Variants in CEP128 observed in about 807,000 individuals in gnomAD.
CEP128 encodes the protein centrosomal protein 128kDa.
CEP128 carries 132 observed loss-of-function variants against 156.7 expected under a neutral mutation model. That is an observed-to-expected ratio of 0.84 (90% CI 0.73 to 0.97). The LOEUF (loss-of-function observed/expected upper bound fraction) is 0.97, where lower values mean the gene tolerates loss of function less well. CEP128 is among the 50% of genes least tolerant of loss of function. The probability of loss-of-function intolerance (pLI) is 0.00; values close to 1 mark genes in which losing one functional copy is unlikely to be tolerated. For missense variants in CEP128, 1,252 were observed against 1,281.9 expected (o/e 0.98, Z 0.36); for synonymous variants, 469 against 448.9 (o/e 1.04, Z -0.57).
intron 8 of CEP128, among the ~76,000 whole-genome samples, chr14:80,867,664 A>T (rs188156807): frequency 6.6e-6 from 1 of 151,754 alleles, no homozygotes. Flanking sequence ...CACTCAGAGA[A>T]ACAAAAAAAA....
chr14:80,599,075 T>C (rs1401854945), intron 19 of CEP128, among the ~76,000 whole-genome samples: 1 of 152,160 alleles, frequency 6.6e-6, no homozygotes, highest in East Asian at 1.9e-4. Flanking sequence ...CTCTTATTAT[T>C]TCTTACTTCA....
At position 80,916,474 on chromosome 14, in the gene CEP128, G is replaced by A. The variant is rs141572655; in HGVS notation, c.74C>T (p.Thr25Met). 15 of 1,613,836 alleles carry A rather than the reference G, an allele frequency of 9.3e-6. No individual in the cohort carries two copies. Among genetic ancestry groups the A allele is most frequent in the East Asian group, 4.5e-5 (2 of 44,892 alleles). ...AGGAAGACTTCGAGTTCCCCTGTGC[G>A]TTGATCTGGCAGCCCATGGACTCAA... ...DRLSPWAARS[T>M]HRGTRSLPTV... Residue 25 changes from threonine (T) to methionine (M), a missense_variant, in exon 3 of 25, where the codon ACG (threonine) becomes ATG (methionine). Transcript: ENST00000555265.
chr14:80,517,047 C>T lies in CEP128; in HGVS notation c.3072+9822G>A, dbSNP rs972066399. Among the ~76,000 whole-genome samples the T allele has an allele frequency of 2.0e-5, 3 of 152,178 alleles. No homozygotes were observed. In the East Asian group the frequency reaches 5.8e-4, roughly 29 times the overall value. ...TTTGACCATCTTGCTCTGCCTCCTC[C>T]CCCTAATTATTCTTTTAATATCATT... is the stretch of plus-strand genomic sequence containing the variant. On this transcript the variant is annotated intron_variant, in intron 23 of 24. Coordinates refer to ENST00000555265, the MANE Select transcript of CEP128 (RefSeq NM_152446.5).
At chr14:80,691,658 T>G (rs1896723403) in intron 19 of CEP128, among the ~76,000 whole-genome samples, 1 of 152,160 alleles carries the variant, frequency 6.6e-6, no homozygotes, top group Admixed American at 6.5e-5. Flanking sequence ...TTACTAAATT[T>G]TCATGAATAA....
intron 23 of CEP128, among the ~76,000 whole-genome samples, chr14:80,507,034 G>C (rs1888010217): frequency 6.6e-6 from 1 of 151,842 alleles, no homozygotes; most frequent in Non-Finnish European, 1.5e-5. Context: ...CCTCCCCTCA[G>C]CTCTTGCTGC....
chr14:80,505,386 T>C (rs1202123200), intron 23 of CEP128, among the ~76,000 whole-genome samples: 1 of 152,218 alleles, frequency 6.6e-6, no homozygotes, highest in Non-Finnish European at 1.5e-5. Context: ...ATACTATGTT[T>C]TACTCAGCCA....
intron 24 of CEP128, among the ~76,000 whole-genome samples, chr14:80,499,464 G>C (rs184539060): frequency 3.9e-5 from 6 of 152,274 alleles, no homozygotes; most frequent in Non-Finnish European, 7.3e-5. Flanking sequence ...CAAATTATCT[G>C]TAAGATTCAC....
rs145468180 is a variant in CEP128, at chr14:80,906,055, G to T, written c.261C>A (p.Ile87=). The T allele has an allele frequency of 6.2e-7, 1 of 1,604,878 alleles. No homozygotes were observed. Among genetic ancestry groups the T allele is most frequent in the Non-Finnish European group, 8.5e-7 (1 of 1,177,286 alleles). The change falls in exon 5 of 25, where the codon ATC becomes ATA. Residue 87 remains isoleucine (I), a synonymous_variant. Transcript: ENST00000555265. Reference sequence around the variant, plus strand: ...ATAAACGTTGACTCCGGAGTTGGTCGATTGATTGTTCCAAGCTTTCTTTTA... The same window carrying T: ...ATAAACGTTGACTCCGGAGTTGGTCTATTGATTGTTCCAAGCTTTCTTTTA... ...EHLKESLEQS[I]DQLRSQRLLR...
intron 19 of CEP128, among the ~76,000 whole-genome samples, chr14:80,649,868 C>A (rs1894823045): frequency 6.6e-6 from 1 of 152,110 alleles, no homozygotes; most frequent in East Asian, 1.9e-4. Context: ...CAGCTTTGTT[C>A]TTTTCGCTTA....
chr14:80,953,320 G>A (rs1051094958), intron 2 of CEP128, among the ~76,000 whole-genome samples: 4 of 152,180 alleles, frequency 2.6e-5, no homozygotes, highest in African/African-American at 9.6e-5. Flanking sequence ...GCACGGTGGT[G>A]CATGCCTGTA....
downstream of CEP128, among the ~76,000 whole-genome samples, chr14:80,489,436 A>C (rs538180260): frequency 5.6e-4 from 84 of 150,998 alleles, no homozygotes; most frequent in African/African-American, 1.8e-3. Flanking sequence ...TCTAATGAGC[A>C]CTCTGAGGTA....
intron 19 of CEP128, among the ~76,000 whole-genome samples, chr14:80,681,535 G>C (rs920699305): frequency 1.3e-5 from 2 of 152,228 alleles, no homozygotes; most frequent in Non-Finnish European, 2.9e-5. Context: ...TGTTGTGGGA[G>C]GGAGCAGGTG....
At chr14:80,919,952 T>C (rs1443714587) in intron 2 of CEP128, among the ~76,000 whole-genome samples, 1 of 152,234 alleles carries the variant, frequency 6.6e-6, no homozygotes, top group Non-Finnish European at 1.5e-5. Flanking sequence ...AGGTGAGATA[T>C]ATCTGAGAAA....
chr14:80,860,238 T>C (rs893222119), intron 9 of CEP128, among the ~76,000 whole-genome samples: 2 of 152,184 alleles, frequency 1.3e-5, no homozygotes, highest in African/African-American at 4.8e-5. Context: ...CACTACTCTG[T>C]TTATAATCTA....
intron 21 of CEP128, among the ~76,000 whole-genome samples, chr14:80,545,937 G>C (rs1018906264): frequency 1.3e-5 from 2 of 152,184 alleles, no homozygotes; most frequent in African/African-American, 4.8e-5. Context: ...GAATCTGGGG[G>C]TGAGGGTGTG....
At chr14:80,486,900 G>A (rs528594926), downstream of CEP128, among the ~76,000 whole-genome samples, 6 of 152,150 alleles carry the variant, frequency 3.9e-5, no homozygotes, top group South Asian at 2.1e-4. Context: ...AGGAACAACC[G>A]GTACCGGCCA....
At chr14:80,766,429 T>C (rs1156864564) in intron 16 of CEP128, among the ~76,000 whole-genome samples, 7 of 152,202 alleles carry the variant, frequency 4.6e-5, no homozygotes, top group African/African-American at 1.7e-4. Context: ...TGTTTCAGCA[T>C]GCTCTTTACA....
At chr14:80,821,007 C>T (rs1211879648) in intron 13 of CEP128, among the ~76,000 whole-genome samples, 1 of 151,608 alleles carries the variant, frequency 6.6e-6, no homozygotes, top group Non-Finnish European at 1.5e-5. Flanking sequence ...TAATGTTGAC[C>T]ATTGTTTATA....
rs374897936 is a variant in CEP128, at chr14:80,778,261, T to C, written c.2212-215A>G. Among the ~76,000 whole-genome samples, 32 of 152,328 alleles carry C rather than the reference T, an allele frequency of 2.1e-4. 5 individuals are homozygous for C. The highest frequency in any genetic ancestry group is 9.1e-4 in the Admixed American group (14 of 15,306). ...CAAGCATTTACGAAGTGGTAGATAC[T>C]GGACTAGATGCTAAAGATAACAGAT... On this transcript the variant is annotated intron_variant, in intron 15 of 24. Coordinates refer to ENST00000555265, the MANE Select transcript of CEP128 (RefSeq NM_152446.5).
Sources: gnomAD v4.1 joint callset for allele counts (sites outside exome capture counted in the v4.1 genomes callset) on GRCh38, gnomAD v4.1.1 for gene constraint, MANE v1.5 for transcripts, NCBI Gene and HGNC (gene_info 2026-07-23, HGNC 2026-07-21) for gene names.